The following PIK3C2A variants were observed in gnomAD, a reference collection of about 807,000 sequenced individuals.
PIK3C2A encodes phosphatidylinositol 4-phosphate 3-kinase C2 domain-containing subunit alpha.
Under a neutral mutation model 204.5 loss-of-function variants are expected in PIK3C2A, and 97 were observed. The ratio of observed to expected loss-of-function variants is 0.47; its 90% confidence interval spans 0.40 to 0.56. The LOEUF (loss-of-function observed/expected upper bound fraction) is 0.56. Among genes scored for constraint, PIK3C2A ranks in the 20% least tolerant of loss-of-function variants. The pLI is 0.00. For missense variants in PIK3C2A, 1,735 were observed against 1,969.2 expected, an observed-to-expected ratio of 0.88 and a Z score of 2.25; for synonymous variants, 653 against 664.4, an observed-to-expected ratio of 0.98 and a Z score of 0.26.
intron 20 of PIK3C2A, 90 bp from the exon 21 acceptor site, chr11:17,112,756 T>C: frequency 3.6e-6 from 2 of 548,506 alleles, no homozygotes; most frequent in Non-Finnish European, 6.5e-6. Flanking sequence ...TTTCACTTCT[T>C]CCTTTGTGTC....
chr11:17,136,659 G>A, intron 8 of PIK3C2A, 34 bp from the exon 9 acceptor site: 2 of 1,326,168 alleles, frequency 1.5e-6, no homozygotes, highest in Non-Finnish European at 2.1e-6. Context: ...AAAATAGGTA[G>A]GTGAAATTTA....
chr11:17,206,857 C>T (rs1480445227), intron 1 of PIK3C2A, among the ~76,000 whole-genome samples: 1 of 152,134 alleles, frequency 6.6e-6, no homozygotes, highest in African/African-American at 2.4e-5. Context: ...CTGCCTGAAA[C>T]CCACCAGGAA....
chr11:17,112,037 T>C (rs1311591434), intron 21 of PIK3C2A, among the ~76,000 whole-genome samples: 1 of 152,006 alleles, frequency 6.6e-6, no homozygotes, highest in East Asian at 1.9e-4. Flanking sequence ...GAATTTATTA[T>C]ATATATATCA....
intron 15 of PIK3C2A, among the ~76,000 whole-genome samples, chr11:17,121,201 T>C (rs1039452632): frequency 2.0e-5 from 3 of 152,170 alleles, no homozygotes; most frequent in African/African-American, 7.2e-5. Context: ...CACTGCAGCC[T>C]TGACCTCCTG....
intron 1 of PIK3C2A, among the ~76,000 whole-genome samples, chr11:17,190,036 G>A (rs1164653615): frequency 6.6e-6 from 1 of 151,768 alleles, no homozygotes; most frequent in African/African-American, 2.4e-5. Context: ...AGGCCAAGGT[G>A]GGTGGATCAC....
intron 16 of PIK3C2A, 144 bp from the exon 17 acceptor site, chr11:17,119,457 G>GT: frequency 1.5e-6 from 1 of 650,232 alleles, no homozygotes; most frequent in Non-Finnish European, 2.7e-6. Flanking sequence ...TCTTCTTTTT[G>GT]TAAGAAGACA....
At chr11:17,153,825 C>A (rs1378242657) in intron 3 of PIK3C2A, among the ~76,000 whole-genome samples, 1 of 152,124 alleles carries the variant, frequency 6.6e-6, no homozygotes, top group Non-Finnish European at 1.5e-5. Flanking sequence ...AATTAAAAGC[C>A]TACATACTTG....
At position 17,106,316 on chromosome 11, in the gene PIK3C2A, G is replaced by T. The variant is rs1051792136; in HGVS notation, c.3545-1011C>A. On this transcript the variant is annotated intron_variant, in intron 22 of 32. Transcript: ENST00000691414. ...AGTCCCAGCTACTTTGGAGGCTGATGCATGAGAATTACTTGAACCCAGGAG... is the reference window on the plus strand; with the variant it reads ...AGTCCCAGCTACTTTGGAGGCTGATTCATGAGAATTACTTGAACCCAGGAG... 6.6e-5 allele frequency among the ~76,000 whole-genome samples: 10 copies of T among 151,994 alleles called. No homozygotes were observed. In the South Asian group the frequency reaches 2.1e-3, roughly 32 times the overall value.
chr11:17,128,099 C>T (rs1254377254), intron 13 of PIK3C2A, among the ~76,000 whole-genome samples: 5 of 152,072 alleles, frequency 3.3e-5, no homozygotes, highest in African/African-American at 1.2e-4. Flanking sequence ...TATAAGGATA[C>T]CTATGTAGCA....
chr11:17,130,698 TC>T (rs1312927173), intron 12 of PIK3C2A, among the ~76,000 whole-genome samples: 1 of 149,232 alleles, frequency 6.7e-6, no homozygotes, highest in African/African-American at 2.5e-5. Context: ...TCTCAGCTAC[TC>T]AGGAGGCTGA....
At chr11:17,132,918 T>C (rs993769136) in intron 11 of PIK3C2A, among the ~76,000 whole-genome samples, 11 of 152,318 alleles carry the variant, frequency 7.2e-5, no homozygotes, top group East Asian at 3.9e-4. Context: ...ACACAGCTGG[T>C]TGGATACAGT....
rs748233022 is a variant in PIK3C2A, at chr11:17,097,048, CA to C, written c.4326+8del. Reference sequence around the variant, plus strand: ...CATGATTGTTTATGAATATTGAAATCAAACTTACATAATGTTTATCTGGGTT... The same window carrying C: ...CATGATTGTTTATGAATATTGAAATCAACTTACATAATGTTTATCTGGGTT... On this transcript the variant is annotated splice_region_variant and intron_variant, in intron 27 of 32. Transcript: ENST00000691414. The C allele has an allele frequency of 2.1e-6, 3 of 1,462,972 alleles. No homozygotes were observed. The Admixed American group carries it at 5.1e-5, about 25-fold the overall frequency. The allele number at this position is 1,462,972 out of a possible 1,614,324, so 90.6% of individuals were successfully genotyped here.
chr11:17,166,408 C>T (rs1850950497), intron 2 of PIK3C2A, among the ~76,000 whole-genome samples: 1 of 152,186 alleles, frequency 6.6e-6, no homozygotes, highest in Non-Finnish European at 1.5e-5. Context: ...ACCCAGAAAC[C>T]TCAACTTGCT....
At chr11:17,205,531 T>G (rs929469171) in intron 1 of PIK3C2A, among the ~76,000 whole-genome samples, 8 of 147,302 alleles carry the variant, frequency 5.4e-5, no homozygotes, top group Non-Finnish European at 1.1e-4. Context: ...AAAAACAAGT[T>G]ACAAAAAATG....
At chr11:17,153,121 G>C (rs1180442508) in intron 3 of PIK3C2A, among the ~76,000 whole-genome samples, 1 of 152,102 alleles carries the variant, frequency 6.6e-6, no homozygotes. Flanking sequence ...ACTTCTACTG[G>C]TATTTAACAC....
chr11:17,145,669 T>G lies in PIK3C2A; in HGVS notation c.1703A>C (p.Glu568Ala), dbSNP rs78200857. Residue 568 changes from glutamate to alanine, a missense_variant and splice_region_variant, in exon 8 of 33, where the codon GAA (glutamate) becomes GCA (alanine). By Grantham distance (107) the Glu-to-Ala change is moderately radical. Coordinates refer to ENST00000691414, the MANE Select transcript of PIK3C2A (RefSeq NM_002645.4). ...GCCAAAATGTGAATTAAGACTTACTTCAATTTGAAGAGCCAGTTCTACTTG... is the reference window on the plus strand; with the variant it reads ...GCCAAAATGTGAATTAAGACTTACTGCAATTTGAAGAGCCAGTTCTACTTG... ...HNQVELALQI[E>A]NQHRAVDQVI... 2.5e-6 allele frequency: 4 copies of G among 1,587,378 alleles called. No individual in the cohort carries two copies. The East Asian group carries it at 8.9e-5, about 36-fold the overall frequency.
chr11:17,169,964 T>G (rs1243568480), intron 1 of PIK3C2A, among the ~76,000 whole-genome samples, 158 bp from the exon 2 acceptor site: 1 of 152,232 alleles, frequency 6.6e-6, no homozygotes, highest in Admixed American at 6.5e-5. Flanking sequence ...GAAGGAACAC[T>G]TAACACCTTA....
chr11:17,193,847 A>AAAAAGAAAAG (rs71047536), intron 1 of PIK3C2A: 2,214 of 66,276 alleles, frequency 0.033, 306 homozygotes, highest in Admixed American at 0.063. Context: ...TCTGTCTCAA[A>AAAAAGAAAAG]AAAAGAAAAG....
intron 1 of PIK3C2A, among the ~76,000 whole-genome samples, chr11:17,175,080 A>T (rs1020391453): frequency 2.0e-5 from 3 of 152,330 alleles, no homozygotes; most frequent in African/African-American, 7.2e-5. Context: ...TAGATTTTTT[A>T]AAATTAGTTT....
Sources: gnomAD v4.1 joint callset for allele counts (sites outside exome capture counted in the v4.1 genomes callset) on GRCh38, gnomAD v4.1.1 for gene constraint, MANE v1.5 for transcripts, NCBI Gene and HGNC (gene_info 2026-07-23, HGNC 2026-07-21) for gene names.